RAD51B: variants seen among roughly 807,000 people sequenced by gnomAD.
RAD51B encodes RAD51 paralog B, also known as DNA repair protein RAD51 homolog 2.
Under a neutral mutation model 42.2 loss-of-function variants are expected in RAD51B, and 38 were observed. The observed-to-expected ratio is 0.90, with a 90% confidence interval of 0.70 to 1.18. The LOEUF (loss-of-function observed/expected upper bound fraction) is 1.18. Among genes scored for constraint, RAD51B ranks in the 50% most tolerant of loss-of-function variants. RAD51B has a pLI of 0.00. For missense variants in RAD51B, 373 were observed against 400.7 expected, an observed-to-expected ratio of 0.93 and a Z score of 0.59; for synonymous variants, 154 against 145.2, an observed-to-expected ratio of 1.06 and a Z score of -0.43.
intron 7 of RAD51B, among the ~76,000 whole-genome samples, chr14:68,114,421 TATCTTTGTGTG>T (rs1408580288): frequency 3.9e-5 from 6 of 152,152 alleles, no homozygotes; most frequent in Admixed American, 3.3e-4. Context: ...GCATTTTTAG[TATCTTTGTGTG>T]ATTGTCTTTC....
chr14:68,562,053 C>G (rs1213268452), intron 10 of RAD51B: 2 of 985,268 alleles, frequency 2.0e-6, no homozygotes, highest in African/African-American at 1.7e-5. Context: ...CAGAATTAGA[C>G]CACATGAATA....
intron 7 of RAD51B, among the ~76,000 whole-genome samples, chr14:67,894,850 G>C (rs1279369851): frequency 6.6e-6 from 1 of 152,144 alleles, no homozygotes; most frequent in Admixed American, 6.5e-5. Context: ...CGTGGTCATA[G>C]CTTACTGCAG....
chr14:68,635,454 C>G (rs536592444), intron 10 of RAD51B, among the ~76,000 whole-genome samples: 17 of 152,178 alleles, frequency 1.1e-4, no homozygotes, highest in African/African-American at 4.1e-4. Flanking sequence ...CAAATGCAAG[C>G]TACACGTGTC....
At chr14:67,982,205 G>C (rs1419630486) in intron 7 of RAD51B, among the ~76,000 whole-genome samples, 1 of 152,056 alleles carries the variant, frequency 6.6e-6, no homozygotes, top group African/African-American at 2.4e-5. Flanking sequence ...AAAGTGCTGC[G>C]ATTACAGGCA....
intron 5 of RAD51B, among the ~76,000 whole-genome samples, chr14:67,867,523 C>T (rs536379692): frequency 6.6e-6 from 1 of 152,316 alleles, no homozygotes; most frequent in African/African-American, 2.4e-5. Context: ...ATATCTGCCT[C>T]CTCCCATCTG....
chr14:67,912,530 C>T (rs2140117044), intron 7 of RAD51B, among the ~76,000 whole-genome samples: 1 of 152,208 alleles, frequency 6.6e-6, no homozygotes, highest in South Asian at 2.1e-4. Context: ...TCAGATTCTA[C>T]TGATTGGGAG....
chr14:68,364,493 C>G (rs532014709), intron 8 of RAD51B, among the ~76,000 whole-genome samples: 2 of 152,294 alleles, frequency 1.3e-5, no homozygotes, highest in Admixed American at 1.3e-4. Flanking sequence ...GGAGGACCGC[C>G]GGGCGCGGTG....
In RAD51B at chr14:68,241,269, G is replaced by A. The variant is rs540059960; in HGVS notation, c.757-50615G>A. 9.2e-5 allele frequency among the ~76,000 whole-genome samples: 14 copies of A among 152,318 alleles called. 1 individual carries two copies. Among genetic ancestry groups the A allele is most frequent in the East Asian group, 5.8e-4 (3 of 5,188 alleles). On this transcript the variant is annotated intron_variant, in intron 7 of 10. Coordinates refer to ENST00000471583, the MANE Select transcript of RAD51B (RefSeq NM_133510.4). ...TTTTTAAATTGTCAATCAGGCGGGC[G>A]TGGTGGCTCACGCCTGTAATCCCAG...
chr14:68,175,738 G>A (rs2078951374), intron 7 of RAD51B, among the ~76,000 whole-genome samples: 2 of 152,136 alleles, frequency 1.3e-5, no homozygotes. Context: ...CTCCTAGTAA[G>A]TACAGAGTAC....
chr14:68,478,859 G>T (rs953300421), downstream of RAD51B, among the ~76,000 whole-genome samples: 1 of 152,154 alleles, frequency 6.6e-6, no homozygotes, highest in African/African-American at 2.4e-5. Context: ...TTTGTTGAGC[G>T]CATACCAAGT....
intron 10 of RAD51B, among the ~76,000 whole-genome samples, chr14:68,568,619 AC>A (rs1889539339): frequency 6.6e-6 from 1 of 152,090 alleles, no homozygotes; most frequent in Non-Finnish European, 1.5e-5. Context: ...CATATACACT[AC>A]CCTGTGTTGC....
intron 8 of RAD51B, among the ~76,000 whole-genome samples, chr14:68,360,270 C>T (rs2082996021): frequency 6.6e-6 from 1 of 152,230 alleles, no homozygotes; most frequent in Non-Finnish European, 1.5e-5. Context: ...TTTGCAGATG[C>T]CGCTCCCTCT....
intron 10 of RAD51B, among the ~76,000 whole-genome samples, chr14:68,620,169 A>G (rs572866121): frequency 1.4e-4 from 22 of 152,150 alleles, no homozygotes; most frequent in Non-Finnish European, 2.6e-4. Flanking sequence ...TTTCTTTTAG[A>G]GAAAAAGTCT....
chr14:68,484,089 T>A (rs759693096), intron 10 of RAD51B, among the ~76,000 whole-genome samples: 70 of 152,294 alleles, frequency 4.6e-4, no homozygotes, highest in Non-Finnish European at 5.4e-4. Flanking sequence ...TGCCAAGACT[T>A]CCTTTCTTCA....
intron 8 of RAD51B, among the ~76,000 whole-genome samples, chr14:68,317,206 C>T (rs997350692): frequency 6.6e-6 from 1 of 152,018 alleles, no homozygotes; most frequent in African/African-American, 2.4e-5. Context: ...GCAGAACCTG[C>T]CTCAGGTGTC....
chr14:68,237,171 T>C (rs2080276804), intron 7 of RAD51B, among the ~76,000 whole-genome samples: 1 of 152,244 alleles, frequency 6.6e-6, no homozygotes, highest in South Asian at 2.1e-4. Flanking sequence ...CTTTAAATCT[T>C]TTCCAGCCTA....
At chr14:68,046,379 A>C (rs1195565323) in intron 7 of RAD51B, among the ~76,000 whole-genome samples, 1 of 152,188 alleles carries the variant, frequency 6.6e-6, no homozygotes, top group African/African-American at 2.4e-5. Context: ...GGTCTCCGGA[A>C]GTTCTGGGAT....
chr14:68,624,291 G>A (rs1365715485), intron 10 of RAD51B, among the ~76,000 whole-genome samples: 2 of 152,162 alleles, frequency 1.3e-5, no homozygotes, highest in Non-Finnish European at 2.9e-5. Context: ...CTCATACTTA[G>A]GGGCAAGGGC....
At chr14:67,964,935 A>G (rs978514014) in intron 7 of RAD51B, among the ~76,000 whole-genome samples, 2 of 152,356 alleles carry the variant, frequency 1.3e-5, no homozygotes, top group Admixed American at 1.3e-4. Context: ...CTTTCTACAC[A>G]GGCACTTTGA....
Sources: gnomAD v4.1 joint callset for allele counts (sites outside exome capture counted in the v4.1 genomes callset) on GRCh38, gnomAD v4.1.1 for gene constraint, MANE v1.5 for transcripts, NCBI Gene and HGNC (gene_info 2026-07-23, HGNC 2026-07-21) for gene names.